Variants in TIAM2 observed in about 807,000 individuals in gnomAD.
TIAM2 encodes TIAM Rac1 associated GEF 2.
Under a neutral mutation model 152.9 loss-of-function variants are expected in TIAM2, and 80 were observed. That is an observed-to-expected ratio of 0.52 (90% CI 0.44 to 0.63). The LOEUF is 0.63. TIAM2 is among the 30% of genes least tolerant of loss of function. The pLI, the probability that TIAM2 is intolerant of heterozygous loss-of-function variation, is 0.00. For missense variants in TIAM2, 1,965 were observed against 2,120.1 expected, an observed-to-expected ratio of 0.93 and a Z score of 1.44; for synonymous variants, 804 against 838.0, an observed-to-expected ratio of 0.96 and a Z score of 0.70.
At chr6:155,015,936 C>G (rs902996595) in intron 1 of TIAM2, among the ~76,000 whole-genome samples, 2 of 42,460 alleles carry the variant, frequency 4.7e-5, no homozygotes, top group Non-Finnish European at 1.3e-4. Flanking sequence ...GACCCTGTTT[C>G]AAAAAACCAA....
chr6:155,155,313 A>AT (rs1303238807), intron 7 of TIAM2, among the ~76,000 whole-genome samples: 2 of 151,908 alleles, frequency 1.3e-5, no homozygotes, highest in African/African-American at 4.8e-5. Context: ...GGCAGCTGCG[A>AT]TTACAGGCAT....
chr6:155,142,062 G>A (rs963214634), intron 5 of TIAM2, among the ~76,000 whole-genome samples: 2 of 150,200 alleles, frequency 1.3e-5, no homozygotes, highest in African/African-American at 4.9e-5. Context: ...CGGCAAGGCA[G>A]GGCTGGTGGC....
At chr6:155,178,165 TAA>T (rs557378875) in intron 10 of TIAM2, among the ~76,000 whole-genome samples, 63 of 83,228 alleles carry the variant, frequency 7.6e-4, no homozygotes, top group Admixed American at 1.6e-3. Context: ...CGTCTCAAAT[TAA>T]AAAAAAAAAA....
chr6:155,000,331 A>C (rs1171295758), intron 1 of TIAM2, among the ~76,000 whole-genome samples: 1 of 152,054 alleles, frequency 6.6e-6, no homozygotes, highest in Non-Finnish European at 1.5e-5. Flanking sequence ...TCGGGAGTTC[A>C]AGACCAGCTG....
At position 155,257,614 on chromosome 6, in the gene TIAM2, AT is replaced by A; in HGVS notation, c.*494del. The A allele has an allele frequency of 3.7e-6, 2 of 540,338 alleles. No individual in the cohort carries two copies. Among genetic ancestry groups the A allele is most frequent in the Admixed American group, 3.5e-5 (1 of 28,754 alleles). 33.5% of individuals were successfully genotyped at this position (540,338 alleles called of 1,614,324 possible). Reference sequence around the variant, plus strand: ...GTAATAGATGCTGTTTATACTAAACATGTCATAACTATCTATACAGTATATA... The same window carrying A: ...GTAATAGATGCTGTTTATACTAAACAGTCATAACTATCTATACAGTATATA... On this transcript the variant is annotated 3_prime_UTR_variant, in exon 27 of 27. Transcript: ENST00000682666.
chr6:155,130,985 G>T (rs557541071), intron 4 of TIAM2, among the ~76,000 whole-genome samples: 48 of 152,278 alleles, frequency 3.2e-4, no homozygotes, highest in African/African-American at 1.1e-3. Context: ...TTGGGGAGGG[G>T]GGAAACAAAT....
At chr6:155,249,781 CATT>C in intron 20 of TIAM2, 67 bp from the exon 21 acceptor site, 1 of 1,317,838 alleles carries the variant, frequency 7.6e-7, no homozygotes, top group South Asian at 1.4e-5. Context: ...TGACTCCATT[CATT>C]ATTACTGTTG....
chr6:155,091,809 G>T (rs1472274337), intron 2 of TIAM2, among the ~76,000 whole-genome samples: 4 of 152,150 alleles, frequency 2.6e-5, no homozygotes, highest in African/African-American at 9.7e-5. Context: ...TATTTGGAAA[G>T]CCTAAGGTCT....
intron 21 of TIAM2, chr6:155,250,626 T>A: frequency 6.5e-7 from 1 of 1,535,918 alleles, no homozygotes; most frequent in South Asian, 1.2e-5. Flanking sequence ...CGGACACTGG[T>A]AGAGTTCATC....
chr6:155,150,036 C>T (rs773527381), intron 7 of TIAM2, among the ~76,000 whole-genome samples: 36 of 151,908 alleles, frequency 2.4e-4, no homozygotes, highest in Non-Finnish European at 4.1e-4. Context: ...TATCAATTGG[C>T]AATAGCAAAA....
At chr6:155,240,794 G>T (rs1342927068) in intron 16 of TIAM2, 85 bp downstream of exon 16, 8 of 1,405,178 alleles carry the variant, frequency 5.7e-6, no homozygotes, top group Non-Finnish European at 7.6e-6. Flanking sequence ...GATCACCTCT[G>T]CCCAGGACAC....
intron 9 of TIAM2, among the ~76,000 whole-genome samples, chr6:155,167,662 G>T (rs1780479399): frequency 6.6e-6 from 1 of 151,996 alleles, no homozygotes. Context: ...TTTAAAAATT[G>T]TTTTTGTAGA....
intron 15 of TIAM2, 70 bp downstream of exon 15, chr6:155,211,377 G>A: frequency 2.3e-6 from 3 of 1,306,926 alleles, no homozygotes; most frequent in Non-Finnish European, 3.3e-6. Flanking sequence ...TTTACCTAAG[G>A]TGGGGAAAGG....
rs1459158466 is a variant in TIAM2, at chr6:155,213,668, C to G, written c.3168+2361C>G. On this transcript the variant is annotated intron_variant, in intron 15 of 26. Coordinates refer to ENST00000682666, the MANE Select transcript of TIAM2 (RefSeq NM_012454.4). The surrounding 1 kb of genome is among the most constrained non-coding windows in gnomAD (Gnocchi z 4.2). ...GGACCCACTCCTTTCCACCCAGGAG[C>G]CTGTCTGCGTCCTGCCACTCTTCCT... is the stretch of plus-strand genomic sequence containing the variant. 6.6e-6 allele frequency among the ~76,000 whole-genome samples: 1 copy of G among 152,224 alleles called. No homozygotes were observed. Among genetic ancestry groups the G allele is most frequent in the African/African-American group, 2.4e-5 (1 of 41,466 alleles).
In TIAM2 at chr6:155,183,317, T is replaced by A; in HGVS notation, c.2881T>A (p.Phe961Ile). The change falls in exon 14 of 27, where the codon TTT becomes ATT. Residue 961 changes from phenylalanine (F) to isoleucine (I), a missense_variant. Transcript: ENST00000682666. ...TGACCTTAAGCAGATGGAGGCCCTG[T>A]TTTCTGAGAAGAGCGTCGGACTCAC... ...DLDLKQMEAL[F>I]SEKSVGLTLI... is the part of the protein sequence containing the mutation. 1 of 1,614,152 alleles carries A rather than the reference T, an allele frequency of 6.2e-7. No individual in the cohort carries two copies. Among genetic ancestry groups the A allele is most frequent in the Non-Finnish European group, 8.5e-7 (1 of 1,180,026 alleles).
intron 1 of TIAM2, among the ~76,000 whole-genome samples, chr6:155,065,448 G>GT (rs574248725): frequency 4.6e-5 from 7 of 150,670 alleles, no homozygotes; most frequent in African/African-American, 1.2e-4. Flanking sequence ...TTTCAACTGT[G>GT]TTTTTTTTTA....
chr6:155,173,962 T>C (rs1780700750), intron 9 of TIAM2, among the ~76,000 whole-genome samples: 1 of 152,196 alleles, frequency 6.6e-6, no homozygotes, highest in Admixed American at 6.5e-5. Flanking sequence ...AGAGAGGAGA[T>C]GGAAGTGAGC....
intron 21 of TIAM2, chr6:155,250,594 A>G: frequency 6.5e-7 from 1 of 1,535,974 alleles, no homozygotes; most frequent in South Asian, 1.2e-5. Flanking sequence ...GAAAGCTTAC[A>G]AAAGGCACTC....
chr6:155,242,172 G>A (rs1181189463), intron 16 of TIAM2, among the ~76,000 whole-genome samples: 10 of 152,156 alleles, frequency 6.6e-5, no homozygotes, highest in South Asian at 2.1e-4. Context: ...AGCTCTGCGC[G>A]GACCTGATTT....
Sources: allele counts gnomAD v4.1 joint callset (sites outside exome capture counted in the v4.1 genomes callset), GRCh38; gene constraint gnomAD v4.1.1; non-coding constraint Gnocchi (gnomAD v3.1); transcripts MANE v1.5; gene names NCBI Gene and HGNC (gene_info 2026-07-23, HGNC 2026-07-21).